Variants in THRSP observed in about 807,000 individuals in gnomAD.
THRSP encodes the protein thyroid hormone responsive, also known as thyroid hormone-inducible hepatic protein.
Under a neutral mutation model 11.1 loss-of-function variants are expected in THRSP, and 9 were observed. The observed-to-expected ratio is 0.81, with a 90% confidence interval of 0.49 to 1.42. The LOEUF (loss-of-function observed/expected upper bound fraction) is 1.42. Ranked by LOEUF, THRSP falls within the 40% of genes most tolerant of loss-of-function variation. THRSP has a pLI of 0.00. For synonymous variants in THRSP, 73 were observed against 78.1 expected, an observed-to-expected ratio of 0.94 and a Z score of 0.34; for missense variants, 177 against 188.2, an observed-to-expected ratio of 0.94 and a Z score of 0.35.
Position 78,063,999 on chromosome 11 carries a change from G to T in THRSP, c.118G>T (p.Val40Leu). Reference protein sequence around the residue: ...VVMIPSLLRDVQLSGPGGQAQ... With the variant: ...VVMIPSLLRDLQLSGPGGQAQ... ...GATGATCCCCAGCCTTCTGCGGGACGTGCAGCTGAGTGGGCCTGGGGGCCA... is the reference window on the plus strand; with the variant it reads ...GATGATCCCCAGCCTTCTGCGGGACTTGCAGCTGAGTGGGCCTGGGGGCCA... The change falls in exon 1 of 2, where the codon GTG becomes TTG. Residue 40 changes from valine to leucine, a missense_variant. Physicochemically the swap from Val to Leu is conservative, Grantham distance 32 (BLOSUM62 1). Coordinates refer to ENST00000281030, the MANE Select transcript of THRSP (RefSeq NM_003251.4). 1 of 1,614,150 alleles carries T rather than the reference G, an allele frequency of 6.2e-7. No individual in the cohort carries two copies. The highest frequency in any genetic ancestry group is 8.5e-7 in the Non-Finnish European group (1 of 1,180,026).
Position 78,064,205 on chromosome 11 carries a change from C to G in THRSP, c.324C>G (p.Asp108Glu). Reference sequence around the variant, plus strand: ...ACGAGAGTGCCTCAGGAGAGCTGGACCTGGAAGCCCAGTTCCACCTGCACT... The same window carrying G: ...ACGAGAGTGCCTCAGGAGAGCTGGAGCTGGAAGCCCAGTTCCACCTGCACT... Reference protein sequence around the residue: ...VEDESASGELDLEAQFHLHFS... With the variant: ...VEDESASGELELEAQFHLHFS... Residue 108 changes from aspartate to glutamate, a missense_variant, in exon 1 of 2, where the codon GAC (aspartate) becomes GAG (glutamate). Transcript: ENST00000281030. 6.2e-7 allele frequency: 1 copy of G among 1,614,032 alleles called. No individual in the cohort carries two copies. Among genetic ancestry groups the G allele is most frequent in the Non-Finnish European group, 8.5e-7 (1 of 1,180,002 alleles).
At chr11:78,066,923 T>G (rs1858764936) in intron 1 of THRSP, among the ~76,000 whole-genome samples, 2 of 151,892 alleles carry the variant, frequency 1.3e-5, no homozygotes, top group South Asian at 4.2e-4. Context: ...ACCTCCCGAT[T>G]CAAGCAATTC....
At chr11:78,065,917 C>T (rs1858724352) in intron 1 of THRSP, among the ~76,000 whole-genome samples, 1 of 152,192 alleles carries the variant, frequency 6.6e-6, no homozygotes, top group Non-Finnish European at 1.5e-5. Context: ...CCCTTCTTCC[C>T]TCTCCCGTTG....
Position 78,063,899 on chromosome 11 carries a change from G to T in THRSP, c.18G>T (p.Lys6Asn), listed in dbSNP as rs1858648442. The change falls in exon 1 of 2, where the codon AAG becomes AAT. Residue 6 changes from lysine to asparagine, a missense_variant. Lys to Asn is a moderately conservative substitution (Grantham distance 94). Coordinates refer to ENST00000281030, the MANE Select transcript of THRSP (RefSeq NM_003251.4). ...AAGCAACCATGCAGGTGCTAACCAAGCGTTACCCCAAGAACTGCCTGCTGA... is the reference window on the plus strand; with the variant it reads ...AAGCAACCATGCAGGTGCTAACCAATCGTTACCCCAAGAACTGCCTGCTGA... MQVLTKRYPKNCLLTV... is the reference protein window; with the variant it reads MQVLTNRYPKNCLLTV... 6.3e-7 allele frequency: 1 copy of T among 1,579,426 alleles called. No homozygotes were observed. Among genetic ancestry groups the T allele is most frequent in the African/African-American group, 1.3e-5 (1 of 74,100 alleles).
chr11:78,065,770 T>C (rs1591217926), intron 1 of THRSP, among the ~76,000 whole-genome samples: 1 of 152,328 alleles, frequency 6.6e-6, no homozygotes, highest in Non-Finnish European at 1.5e-5. Context: ...ATCTTCATAA[T>C]CTGTGTGAAG....
At chr11:78,065,000 A>AC (rs894995112) in intron 1 of THRSP, among the ~76,000 whole-genome samples, 3 of 151,522 alleles carry the variant, frequency 2.0e-5, no homozygotes, top group African/African-American at 4.9e-5. Context: ...AAAAAAAAAA[A>AC]AAAACTTACC....
Position 78,064,043 on chromosome 11 carries a change from T to A in THRSP, c.162T>A (p.Pro54=), listed in dbSNP as rs1350751352. ...GGGGCCAGGCCCAGGCTGAGGCCCC[T>A]GATCTCTACACCTACTTCACCATGC... ...GPGGQAQAEA[P]DLYTYFTMLK... Residue 54 remains proline (P), a synonymous_variant, in exon 1 of 2, where the codon CCT becomes CCA. Coordinates refer to ENST00000281030, the MANE Select transcript of THRSP (RefSeq NM_003251.4). The A allele has an allele frequency of 2.5e-6, 4 of 1,613,472 alleles. No individual in the cohort carries two copies. The highest frequency in any genetic ancestry group is 3.4e-6 in the Non-Finnish European group (4 of 1,179,784).
rs772985941 is a variant in THRSP, at chr11:78,063,957, A to G, written c.76A>G (p.Asn26Asp). The change falls in exon 1 of 2, where the codon AAC becomes GAC. Residue 26 changes from asparagine to aspartate, a missense_variant. Transcript: ENST00000281030. ...VMDRYAAEVH[N>D]MEQVVMIPSL... ...GGACCGGTATGCAGCCGAGGTGCACAACATGGAGCAGGTGGTGATGATCCC... is the reference window on the plus strand; with the variant it reads ...GGACCGGTATGCAGCCGAGGTGCACGACATGGAGCAGGTGGTGATGATCCC... 2.5e-6 allele frequency: 4 copies of G among 1,613,564 alleles called. No homozygotes were observed. The highest frequency in any genetic ancestry group is 1.3e-5 in the African/African-American group (1 of 74,918).
chr11:78,064,475 G>A, intron 1 of THRSP, 134 bp downstream of exon 1: 2 of 755,828 alleles, frequency 2.6e-6, no homozygotes, highest in East Asian at 5.4e-5. Flanking sequence ...CAGGGTATTG[G>A]GACCACAACC....
In THRSP at chr11:78,068,116, A is replaced by C. The variant is rs1179726388; in HGVS notation, c.*477A>C. On this transcript the variant is annotated 3_prime_UTR_variant, in exon 2 of 2. Coordinates refer to ENST00000281030, the MANE Select transcript of THRSP (RefSeq NM_003251.4). Reference sequence around the variant, plus strand: ...AGCTTATGAAAACTAAACATGATGAATCAAAAGCACTTGGCATGTGAGGGC... The same window carrying C: ...AGCTTATGAAAACTAAACATGATGACTCAAAAGCACTTGGCATGTGAGGGC... 6.6e-6 allele frequency: 1 copy of C among 152,204 alleles called. No individual in the cohort carries two copies. Among genetic ancestry groups the C allele is most frequent in the Admixed American group, 6.5e-5 (1 of 15,280 alleles). The allele number at this position is 152,204 out of a possible 1,614,324, so 9.4% of individuals were successfully genotyped here. A position where few individuals can be genotyped will look rare whatever the true frequency, so the allele number is the denominator to read the frequency against.
At chr11:78,067,100 C>T (rs549498696) in intron 1 of THRSP, among the ~76,000 whole-genome samples, 1 of 149,176 alleles carries the variant, frequency 6.7e-6, no homozygotes, top group South Asian at 2.1e-4. Flanking sequence ...GCTGGGATTA[C>T]AGGCGTGAGC....
In THRSP at chr11:78,067,867, C is replaced by T. The variant is rs914015935; in HGVS notation, c.*228C>T. The T allele has an allele frequency of 3.1e-4, 47 of 152,178 alleles. No homozygotes were observed. The highest frequency in any genetic ancestry group is 9.7e-4 in the African/African-American group (40 of 41,426). 9.4% of individuals were successfully genotyped at this position (152,178 alleles called of 1,614,324 possible). ...GTCTGTTGCTATTCACTGCTCCCCTCGCTCCTCTTAACAGCTTGGGGAGGT... is the reference window on the plus strand; with the variant it reads ...GTCTGTTGCTATTCACTGCTCCCCTTGCTCCTCTTAACAGCTTGGGGAGGT... On this transcript the variant is annotated 3_prime_UTR_variant, in exon 2 of 2. Coordinates refer to ENST00000281030, the MANE Select transcript of THRSP (RefSeq NM_003251.4).
At position 78,064,316 on chromosome 11, in the gene THRSP, T is replaced by C. The variant is rs759901887; in HGVS notation, c.435T>C (p.Val145=). 6.2e-7 allele frequency: 1 copy of C among 1,606,454 alleles called. No homozygotes were observed. The highest frequency in any genetic ancestry group is 8.5e-7 in the Non-Finnish European group (1 of 1,176,368). ...AATACCAGGAAATGACGGGACAAGT[T>C]TGGTAGACCTTGGACACTAGGGAAG... ...TRKYQEMTGQ[V]W Residue 145 remains valine, a synonymous_variant, in exon 1 of 2, where the codon GTT becomes GTC. Coordinates refer to ENST00000281030, the MANE Select transcript of THRSP (RefSeq NM_003251.4).
chr11:78,066,424 C>G (rs901520919), intron 1 of THRSP, among the ~76,000 whole-genome samples: 1 of 152,210 alleles, frequency 6.6e-6, no homozygotes, highest in African/African-American at 2.4e-5. Flanking sequence ...CTCGGCCTCC[C>G]GAAGTGCTGG....
At chr11:78,064,479 C>T in intron 1 of THRSP, 138 bp downstream of exon 1, 1 of 735,106 alleles carries the variant, frequency 1.4e-6, no homozygotes, top group Non-Finnish European at 2.2e-6. Flanking sequence ...GTATTGGGAC[C>T]ACAACCTAGG....
chr11:78,066,561 C>T (rs59119157), intron 1 of THRSP, among the ~76,000 whole-genome samples: 1,627 of 152,294 alleles, frequency 0.011, 29 homozygotes, highest in African/African-American at 0.037. Flanking sequence ...GAACCCTGGC[C>T]TAATTAGTCT....
In THRSP at chr11:78,064,289, G is replaced by A; in HGVS notation, c.408G>A (p.Arg136=). ...CCGAGAAAGCCCAGGAGGTGACAAG[G>A]AAATACCAGGAAATGACGGGACAAG... ...HLTEKAQEVT[R]KYQEMTGQVW is the part of the protein sequence containing the mutation. The change falls in exon 1 of 2, where the codon AGG becomes AGA. Residue 136 remains arginine (R), a synonymous_variant. Coordinates refer to ENST00000281030, the MANE Select transcript of THRSP (RefSeq NM_003251.4). 2 of 1,612,702 alleles carry A rather than the reference G, an allele frequency of 1.2e-6. No individual in the cohort carries two copies. The highest frequency in any genetic ancestry group is 1.7e-6 in the Non-Finnish European group (2 of 1,179,364).
In THRSP at chr11:78,063,906, C is replaced by G; in HGVS notation, c.25C>G (p.Pro9Ala). MQVLTKRY[P>A]KNCLLTVMDR... ...CATGCAGGTGCTAACCAAGCGTTAC[C>G]CCAAGAACTGCCTGCTGACCGTCAT... The change falls in exon 1 of 2, where the codon CCC (proline) becomes GCC (alanine). Residue 9 changes from proline to alanine, a missense_variant. Pro to Ala is a conservative substitution (Grantham distance 27). Transcript: ENST00000281030. 1 of 1,589,314 alleles carries G rather than the reference C, an allele frequency of 6.3e-7. No homozygotes were observed. Among genetic ancestry groups the G allele is most frequent in the Non-Finnish European group, 8.6e-7 (1 of 1,168,226 alleles).
rs759972787 is a variant in THRSP at position 78,064,212 on chromosome 11, G to A, written c.331G>A (p.Ala111Thr). The change falls in exon 1 of 2, where the codon GCC becomes ACC. Residue 111 changes from alanine (A) to threonine (T), a missense_variant. Physicochemically the swap from Ala to Thr is moderately conservative, Grantham distance 58. Transcript: ENST00000281030. ...ESASGELDLE[A>T]QFHLHFSSLH... The stretch of plus-strand genomic sequence containing the variant: ...TGCCTCAGGAGAGCTGGACCTGGAA[G>A]CCCAGTTCCACCTGCACTTCTCCAG... The A allele has an allele frequency of 6.8e-6, 11 of 1,614,050 alleles. No homozygotes were observed. In the South Asian group the frequency reaches 1.1e-4, roughly 16 times the overall value.
Sources: allele counts gnomAD v4.1 joint callset (sites outside exome capture counted in the v4.1 genomes callset), GRCh38; gene constraint gnomAD v4.1.1; transcripts MANE v1.5; gene names NCBI Gene and HGNC (gene_info 2026-07-23, HGNC 2026-07-21).